Variants in C10orf143 observed in about 807,000 individuals in gnomAD.
The protein encoded by C10orf143 is uncharacterized protein C10orf143.
At chr10:130,091,090 C>T (rs929770528) in intron 1 of C10orf143, among the ~76,000 whole-genome samples, 6 of 152,202 alleles carry the variant, frequency 3.9e-5, no homozygotes. Context: ...ACTGCCTCCT[C>T]AAGTGGGTCC....
intron 1 of C10orf143, among the ~76,000 whole-genome samples, chr10:130,083,434 G>A (rs1861239417): frequency 6.6e-6 from 1 of 152,044 alleles, no homozygotes; most frequent in Admixed American, 6.6e-5. Flanking sequence ...CCAACGATAT[G>A]GGAAAAAAGC....
intron 3 of C10orf143, among the ~76,000 whole-genome samples, chr10:130,049,309 A>C (rs1487430778): frequency 3.3e-5 from 5 of 152,184 alleles, no homozygotes; most frequent in Non-Finnish European, 7.4e-5. Flanking sequence ...CCCCTCTGCC[A>C]CTGGAGGGAA....
chr10:130,076,798 G>A (rs1014356370), intron 3 of C10orf143, among the ~76,000 whole-genome samples: 23 of 152,142 alleles, frequency 1.5e-4, no homozygotes, highest in African/African-American at 3.9e-4. Flanking sequence ...CGCGCGATCC[G>A]GGAATGGAAG....
intron 3 of C10orf143, among the ~76,000 whole-genome samples, chr10:130,057,045 C>A (rs2134737940): frequency 6.8e-6 from 1 of 146,554 alleles, no homozygotes; most frequent in South Asian, 2.2e-4. Context: ...ATGCTACCAG[C>A]AGGCCCAGCT....
chr10:130,085,285 C>T (rs765502029), intron 1 of C10orf143, among the ~76,000 whole-genome samples: 2 of 152,106 alleles, frequency 1.3e-5, no homozygotes, highest in Non-Finnish European at 2.9e-5. Context: ...GTAACTTTAC[C>T]GTGGATAAAA....
intron 3 of C10orf143, among the ~76,000 whole-genome samples, chr10:130,048,229 C>T (rs1401770387): frequency 1.3e-5 from 2 of 152,168 alleles, no homozygotes; most frequent in East Asian, 1.9e-4. Context: ...CTGTCCAGCT[C>T]ACCCCTACAG....
chr10:130,061,413 A>G (rs1860856492), downstream of C10orf143, among the ~76,000 whole-genome samples: 1 of 152,262 alleles, frequency 6.6e-6, no homozygotes, highest in Non-Finnish European at 1.5e-5. Flanking sequence ...ATGTTAACAC[A>G]TCTTTGTTAA....
At chr10:130,096,335 T>C (rs1861461775) in intron 1 of C10orf143, among the ~76,000 whole-genome samples, 2 of 151,966 alleles carry the variant, frequency 1.3e-5, no homozygotes, top group Non-Finnish European at 2.9e-5. Context: ...GTTTTTACAC[T>C]GTTGGTGGGA....
chr10:130,055,256 G>T (rs1185917452), intron 3 of C10orf143, among the ~76,000 whole-genome samples: 1 of 152,128 alleles, frequency 6.6e-6, no homozygotes, highest in African/African-American at 2.4e-5. Flanking sequence ...ATAGACAAGT[G>T]GGATTTCATC....
At chr10:130,068,060 T>C (rs936560213) in intron 3 of C10orf143, 1 of 152,466 alleles carries the variant, frequency 6.6e-6, no homozygotes, top group Non-Finnish European at 1.5e-5. Flanking sequence ...CCAGGGGACA[T>C]GGCCACATAC....
chr10:130,110,569 G>T (rs1050177304), intron 1 of C10orf143, 135 bp downstream of exon 1: 5 of 397,006 alleles, frequency 1.3e-5, no homozygotes, highest in Admixed American at 4.4e-5. Context: ...TCCCAGGGAC[G>T]TACGCGAGCG....
intron 1 of C10orf143, among the ~76,000 whole-genome samples, chr10:130,096,858 AAAAG>A (rs912412058): frequency 6.0e-5 from 9 of 150,726 alleles, no homozygotes; most frequent in Non-Finnish European, 1.2e-4. Context: ...ATTAAAAAAA[AAAAG>A]AAAACGAAAA....
chr10:130,082,382 C>T (rs1191046495), intron 1 of C10orf143, among the ~76,000 whole-genome samples: 1 of 152,102 alleles, frequency 6.6e-6, no homozygotes, highest in East Asian at 1.9e-4. Flanking sequence ...TAGATCTGCA[C>T]CTCACACCAT....
intron 1 of C10orf143, among the ~76,000 whole-genome samples, chr10:130,093,625 G>A (rs925983683): frequency 2.0e-5 from 3 of 152,232 alleles, no homozygotes; most frequent in Non-Finnish European, 2.9e-5. Flanking sequence ...ATGAATCCAG[G>A]AGCTGATTTT....
chr10:130,109,773 A>G (rs986139414), intron 1 of C10orf143, among the ~76,000 whole-genome samples: 1 of 152,090 alleles, frequency 6.6e-6, no homozygotes, highest in African/African-American at 2.4e-5. Flanking sequence ...GCTACGCAGT[A>G]AAGACATCTA....
intron 3 of C10orf143, among the ~76,000 whole-genome samples, chr10:130,047,925 G>A (rs1860695671): frequency 6.6e-6 from 1 of 152,094 alleles, no homozygotes; most frequent in African/African-American, 2.4e-5. Flanking sequence ...CTGGAGGCCA[G>A]CTGTTTTTGC....
intron 1 of C10orf143, among the ~76,000 whole-genome samples, chr10:130,098,743 C>A (rs1198640591): frequency 6.6e-6 from 1 of 152,154 alleles, no homozygotes; most frequent in African/African-American, 2.4e-5. Context: ...CTTGCCGATC[C>A]TAACCTCATT....
chr10:130,088,987 T>A (rs1053484530), intron 1 of C10orf143, among the ~76,000 whole-genome samples: 2 of 152,122 alleles, frequency 1.3e-5, no homozygotes, highest in Admixed American at 1.3e-4. Context: ...TGACCTTTTT[T>A]AAAAAAGACT....
chr10:130,090,191 T>C (rs1289153505), intron 1 of C10orf143, among the ~76,000 whole-genome samples: 1 of 152,156 alleles, frequency 6.6e-6, no homozygotes, highest in African/African-American at 2.4e-5. Flanking sequence ...GCGGGTGATT[T>C]CTGCATTTAC....
Sources: gnomAD v4.1 joint callset for allele counts (sites outside exome capture counted in the v4.1 genomes callset) on GRCh38, gnomAD v4.1.1 for gene constraint, MANE v1.5 for transcripts, NCBI Gene and HGNC (gene_info 2026-07-23, HGNC 2026-07-21) for gene names.